TTC28: variants seen among roughly 807,000 people sequenced by gnomAD.
The protein encoded by TTC28 is tetratricopeptide repeat protein 28.
In TTC28, 61 loss-of-function variants were observed where a neutral mutation model predicts 198.0. That is an observed-to-expected ratio of 0.31 (90% CI 0.25 to 0.38). The LOEUF is 0.38. TTC28 is among the 10% of genes least tolerant of loss of function. TTC28 has a pLI of 1.00. For missense variants in TTC28, 2,678 were observed against 3,164.0 expected (o/e 0.85, Z 3.69); for synonymous variants, 1,171 against 1,297.8 (o/e 0.90, Z 2.10).
chr22:28,609,316 G>A (rs904004923), intron 2 of TTC28, among the ~76,000 whole-genome samples: 26 of 152,160 alleles, frequency 1.7e-4, no homozygotes, highest in African/African-American at 4.3e-4. Context: ...GAACAGCTAC[G>A]GTCTGCAGCT....
intron 5 of TTC28, among the ~76,000 whole-genome samples, chr22:28,242,806 G>T (rs902382001): frequency 6.6e-6 from 1 of 151,914 alleles, no homozygotes; most frequent in South Asian, 2.1e-4. Context: ...ATATGAAAGA[G>T]GCTGGAAGTA....
chr22:28,376,582 G>A lies in TTC28; in HGVS notation c.382-69939C>T, dbSNP rs2046412118. 2.0e-5 allele frequency among the ~76,000 whole-genome samples: 3 copies of A among 151,978 alleles called. 1 individual carries two copies. In the South Asian group the frequency reaches 6.2e-4, roughly 32 times the overall value. On this transcript the variant is annotated intron_variant, in intron 2 of 22. Coordinates refer to ENST00000397906, the MANE Select transcript of TTC28 (RefSeq NM_001145418.2). The stretch of plus-strand genomic sequence containing the variant: ...CAGACATTGGACAAGGGGCAACAAA[G>A]GACAATAATCCTGAGAGAAGGGGAA...
chr22:28,272,883 A>T (rs1324095775), intron 5 of TTC28, among the ~76,000 whole-genome samples: 1 of 152,180 alleles, frequency 6.6e-6, no homozygotes, highest in Non-Finnish European at 1.5e-5. Flanking sequence ...TACCCTCAAG[A>T]CACTATTTTA....
intron 12 of TTC28, among the ~76,000 whole-genome samples, chr22:28,060,145 T>C (rs962708514): frequency 2.6e-5 from 4 of 152,172 alleles, no homozygotes; most frequent in Non-Finnish European, 5.9e-5. Context: ...ATGTGCACAA[T>C]GTGCAGGTTT....
At chr22:28,329,535 G>A (rs1372182563) in intron 2 of TTC28, among the ~76,000 whole-genome samples, 1 of 152,126 alleles carries the variant, frequency 6.6e-6, no homozygotes, top group East Asian at 1.9e-4. Flanking sequence ...ACAAAAATAA[G>A]GTAAAGAAAG....
At chr22:28,036,324 C>T (rs1158459540) in intron 12 of TTC28, among the ~76,000 whole-genome samples, 1 of 152,178 alleles carries the variant, frequency 6.6e-6, no homozygotes, top group Non-Finnish European at 1.5e-5. Context: ...CTGTCTCTCA[C>T]ACCACAGTGC....
intron 6 of TTC28, among the ~76,000 whole-genome samples, chr22:28,115,203 C>T (rs779240925): frequency 9.2e-5 from 14 of 152,176 alleles, no homozygotes; most frequent in East Asian, 3.9e-4. Context: ...GCCTGTGACC[C>T]GGGCTGAAGT....
intron 6 of TTC28, among the ~76,000 whole-genome samples, chr22:28,139,609 G>A (rs1943281969): frequency 6.6e-6 from 1 of 152,032 alleles, no homozygotes; most frequent in Non-Finnish European, 1.5e-5. Flanking sequence ...GGAAGGAAAT[G>A]CTTTTGCCCC....
chr22:28,227,880 G>T (rs1928475911), intron 5 of TTC28, among the ~76,000 whole-genome samples: 1 of 152,090 alleles, frequency 6.6e-6, no homozygotes, highest in Non-Finnish European at 1.5e-5. Flanking sequence ...ATACCCAAAA[G>T]AATTGAAAGC....
intron 5 of TTC28, among the ~76,000 whole-genome samples, chr22:28,252,658 G>A (rs1930603807): frequency 6.6e-6 from 1 of 152,146 alleles, no homozygotes; most frequent in African/African-American, 2.4e-5. Context: ...GAAAGACTCG[G>A]GTTTGTGTTC....
At chr22:28,554,865 C>G (rs924134892) in intron 2 of TTC28, among the ~76,000 whole-genome samples, 1 of 151,780 alleles carries the variant, frequency 6.6e-6, no homozygotes, top group African/African-American at 2.4e-5. Context: ...AGTGAGACTC[C>G]GTCTTTTAAA....
At chr22:28,098,721 T>C (rs554965002) in intron 10 of TTC28, among the ~76,000 whole-genome samples, 194 bp downstream of exon 10, 35 of 152,276 alleles carry the variant, frequency 2.3e-4, no homozygotes, top group African/African-American at 8.4e-4. Context: ...ACTCAGCACA[T>C]GGTAGGAGCT....
intron 2 of TTC28, among the ~76,000 whole-genome samples, chr22:28,389,076 C>T (rs2046668114): frequency 1.3e-5 from 2 of 151,976 alleles, no homozygotes; most frequent in South Asian, 4.2e-4. Flanking sequence ...TGTCAAAGGC[C>T]TTTTCTGCAT....
intron 12 of TTC28, among the ~76,000 whole-genome samples, chr22:28,073,817 T>C (rs1259751045): frequency 6.6e-6 from 1 of 152,198 alleles, no homozygotes; most frequent in Non-Finnish European, 1.5e-5. Flanking sequence ...TCTCGACTTG[T>C]GGACACAGAA....
intron 12 of TTC28, among the ~76,000 whole-genome samples, chr22:28,061,893 T>A (rs894048719): frequency 2.6e-5 from 4 of 152,222 alleles, no homozygotes; most frequent in Middle Eastern, 3.2e-3. Context: ...TTTTATTTTG[T>A]TGAGCAGTGG....
intron 2 of TTC28, among the ~76,000 whole-genome samples, chr22:28,574,469 G>A (rs1194493175): frequency 6.6e-6 from 1 of 152,092 alleles, no homozygotes; most frequent in Non-Finnish European, 1.5e-5. Flanking sequence ...TACTGTAAAT[G>A]GTGCTGCAAT....
intron 13 of TTC28, among the ~76,000 whole-genome samples, chr22:28,019,744 C>T (rs139855828): frequency 1.3e-3 from 198 of 152,358 alleles, no homozygotes; most frequent in African/African-American, 4.1e-3. Context: ...ACAGGCCTTT[C>T]GCCCTGGCTG....
chr22:28,631,853 T>G (rs2051178813), intron 1 of TTC28, among the ~76,000 whole-genome samples: 1 of 152,126 alleles, frequency 6.6e-6, no homozygotes, highest in African/African-American at 2.4e-5. Flanking sequence ...ACATAAAAAT[T>G]ACGAACTGTA....
chr22:28,520,914 G>A (rs554115577), intron 2 of TTC28, among the ~76,000 whole-genome samples: 2 of 151,912 alleles, frequency 1.3e-5, no homozygotes, highest in African/African-American at 2.4e-5. Flanking sequence ...TTAGCCAGGC[G>A]TAGTGGCACG....
Sources: allele counts gnomAD v4.1 joint callset (sites outside exome capture counted in the v4.1 genomes callset), GRCh38; gene constraint gnomAD v4.1.1; transcripts MANE v1.5; gene names NCBI Gene and HGNC (gene_info 2026-07-23, HGNC 2026-07-21).